TFDP2: variants seen among roughly 807,000 people sequenced by gnomAD.
TFDP2 encodes the protein transcription factor Dp-2 (E2F dimerization partner 2).
In TFDP2, 17 loss-of-function variants were observed where a neutral mutation model predicts 59.3. That is an observed-to-expected ratio of 0.29 (90% CI 0.20 to 0.43). TFDP2 has a LOEUF of 0.43. Among genes scored for constraint, TFDP2 ranks in the 20% least tolerant of loss-of-function variants. The pLI is 1.00. For synonymous variants in TFDP2, 180 were observed against 194.7 expected (o/e 0.92, Z 0.63); for missense variants, 391 against 528.8 (o/e 0.74, Z 2.56).
chr3:141,996,881 C>G (rs1389135304), intron 4 of TFDP2, among the ~76,000 whole-genome samples: 1 of 152,026 alleles, frequency 6.6e-6, no homozygotes, highest in Non-Finnish European at 1.5e-5. Context: ...AAAATAAAAA[C>G]AAAAGTTAAT....
At position 142,021,095 on chromosome 3, in the gene TFDP2, T is replaced by C. The variant is rs564836112; in HGVS notation, c.83-15551A>G. 2.0e-5 allele frequency among the ~76,000 whole-genome samples: 3 copies of C among 152,224 alleles called. No homozygotes were observed. In the East Asian group the frequency reaches 5.8e-4, roughly 29 times the overall value. On this transcript the variant is annotated intron_variant, in intron 3 of 12. Transcript: ENST00000489671. ...TTGATGCATTTGTACTGAACCATGTTCGCCAAAAGTCACTAAGATTAAATA... is the reference window on the plus strand; with the variant it reads ...TTGATGCATTTGTACTGAACCATGTCCGCCAAAAGTCACTAAGATTAAATA...
At chr3:142,062,084 A>G (rs778167424) in intron 3 of TFDP2, among the ~76,000 whole-genome samples, 3 of 151,932 alleles carry the variant, frequency 2.0e-5, no homozygotes, top group Non-Finnish European at 4.4e-5. Context: ...TAACATGACA[A>G]GGATGAAGAC....
intron 1 of TFDP2, among the ~76,000 whole-genome samples, chr3:142,143,139 G>A (rs539963939): frequency 1.8e-4 from 28 of 152,288 alleles, no homozygotes; most frequent in African/African-American, 6.0e-4. Flanking sequence ...GGGTGGCTGA[G>A]GCACAAGAAC....
At chr3:142,120,710 C>A (rs1388788515) in intron 1 of TFDP2, among the ~76,000 whole-genome samples, 2 of 152,098 alleles carry the variant, frequency 1.3e-5, no homozygotes, top group Non-Finnish European at 2.9e-5. Flanking sequence ...GAGGTGGAGA[C>A]CATGGCAGCT....
intron 1 of TFDP2, among the ~76,000 whole-genome samples, chr3:142,119,088 A>C (rs892742251): frequency 1.3e-5 from 2 of 152,098 alleles, no homozygotes; most frequent in Non-Finnish European, 2.9e-5. Context: ...TTGAACCCAG[A>C]AGGTAGAGGT....
chr3:142,127,686 G>A (rs551703774), intron 1 of TFDP2, among the ~76,000 whole-genome samples: 1 of 152,056 alleles, frequency 6.6e-6, no homozygotes, highest in African/African-American at 2.4e-5. Flanking sequence ...ATCTCACTGT[G>A]TTGCCCAGGC....
At chr3:142,030,273 C>A (rs985215018) in intron 3 of TFDP2, among the ~76,000 whole-genome samples, 3 of 152,194 alleles carry the variant, frequency 2.0e-5, no homozygotes, top group African/African-American at 7.2e-5. Context: ...ACCTATATGG[C>A]CCTCTATCTT....
intron 9 of TFDP2, among the ~76,000 whole-genome samples, chr3:141,964,730 A>C (rs1033478982): frequency 4.6e-5 from 7 of 152,122 alleles, no homozygotes; most frequent in African/African-American, 1.4e-4. Flanking sequence ...GCCAGGTCCT[A>C]AGCTCTGCCA....
chr3:142,079,788 C>A (rs1265815010), intron 3 of TFDP2, among the ~76,000 whole-genome samples: 1 of 152,032 alleles, frequency 6.6e-6, no homozygotes, highest in Admixed American at 6.6e-5. Flanking sequence ...AATAGTATAT[C>A]CAGCAAAAAT....
chr3:142,094,132 AC>A (rs1246203117), intron 2 of TFDP2, among the ~76,000 whole-genome samples: 1 of 152,168 alleles, frequency 6.6e-6, no homozygotes, highest in Non-Finnish European at 1.5e-5. Context: ...AGGAAAAAAA[AC>A]CCTCAATTTT....
Position 142,104,426 on chromosome 3 carries a change from A to T in TFDP2, c.-92-2585T>A, listed in dbSNP as rs139809801. On this transcript the variant is annotated intron_variant, in intron 1 of 12. Transcript: ENST00000489671. Reference sequence around the variant, plus strand: ...AGATCTATACAGAATTCTGTATCTAATAGATCTGAAACATCTCTTTAGGCA... The same window carrying T: ...AGATCTATACAGAATTCTGTATCTATTAGATCTGAAACATCTCTTTAGGCA... Among the ~76,000 whole-genome samples, 612 of 152,304 alleles carry T rather than the reference A, an allele frequency of 4.0e-3. 2 individuals carry two copies. Among genetic ancestry groups the T allele is most frequent in the Middle Eastern group, 6.8e-3 (2 of 294 alleles).
chr3:142,008,337 C>A (rs921094830), intron 3 of TFDP2, among the ~76,000 whole-genome samples: 2 of 151,982 alleles, frequency 1.3e-5, no homozygotes, highest in African/African-American at 4.8e-5. Flanking sequence ...TCTGAACACT[C>A]CCCTAATAAT....
At chr3:142,052,991 G>A (rs1157081389) in intron 3 of TFDP2, among the ~76,000 whole-genome samples, 2 of 151,738 alleles carry the variant, frequency 1.3e-5, no homozygotes, top group African/African-American at 2.4e-5. Context: ...TGTATTTTTA[G>A]TAGAGATGGG....
At chr3:142,088,550 C>T (rs1318788676) in intron 3 of TFDP2, among the ~76,000 whole-genome samples, 1 of 151,252 alleles carries the variant, frequency 6.6e-6, no homozygotes, top group African/African-American at 2.4e-5. Context: ...AGGCTGGGGG[C>T]TCGAACTTCC....
intron 3 of TFDP2, among the ~76,000 whole-genome samples, chr3:142,080,996 T>C (rs2060621478): frequency 6.6e-6 from 1 of 152,200 alleles, no homozygotes; most frequent in South Asian, 2.1e-4. Flanking sequence ...CCTAATAAGA[T>C]ATTTACAAAA....
rs1045359511 is a variant in TFDP2, at chr3:141,945,001, A to G, written c.*7512T>C. 5 of 152,234 alleles carry G rather than the reference A, an allele frequency of 3.3e-5. No homozygotes were observed. The highest frequency in any genetic ancestry group is 1.2e-4 in the African/African-American group (5 of 41,454). 9.4% of individuals were successfully genotyped at this position (152,234 alleles called of 1,614,324 possible). A position where few individuals can be genotyped will look rare whatever the true frequency, so the allele number is the denominator to read the frequency against. On this transcript the variant is annotated 3_prime_UTR_variant, in exon 13 of 13. Coordinates refer to ENST00000489671, the MANE Select transcript of TFDP2 (RefSeq NM_001178139.2). ...ATTGCTTAAAGCATGTGGCACCACG[A>G]TGTATCCTTCATGCAGAAAAAAGGA...
intron 3 of TFDP2, chr3:142,043,887 G>C (rs1218344066): frequency 3.7e-6 from 4 of 1,091,696 alleles, no homozygotes; most frequent in Non-Finnish European, 5.6e-6. Context: ...TAGATTCACA[G>C]TATCTTCTAA....
At chr3:142,114,122 GCCACTGCACT>G (rs1314103044) in intron 1 of TFDP2, among the ~76,000 whole-genome samples, 8 of 150,962 alleles carry the variant, frequency 5.3e-5, no homozygotes, top group African/African-American at 2.0e-4. Context: ...CCGAAATCGC[GCCACTGCACT>G]CCAGCCCGGG....
chr3:142,054,512 A>T (rs976323772), intron 3 of TFDP2, among the ~76,000 whole-genome samples: 12 of 152,184 alleles, frequency 7.9e-5, no homozygotes, highest in Non-Finnish European at 1.5e-5. Context: ...GTTCTCCTTA[A>T]ATCAACTATA....
Sources: gnomAD v4.1 joint callset for allele counts (sites outside exome capture counted in the v4.1 genomes callset) on GRCh38, gnomAD v4.1.1 for gene constraint, MANE v1.5 for transcripts, NCBI Gene and HGNC (gene_info 2026-07-23, HGNC 2026-07-21) for gene names.